SHISA9: variants seen among roughly 807,000 people sequenced by gnomAD.
SHISA9 encodes shisa family member 9.
A neutral mutation model predicts 38.0 loss-of-function variants in SHISA9; 13 were observed. The observed-to-expected ratio is 0.34, with a 90% CI of 0.22 to 0.54. The LOEUF is 0.54. Among genes scored for constraint, SHISA9 ranks in the 20% least tolerant of loss-of-function variants. The probability of loss-of-function intolerance (pLI) is 0.91; values close to 1 mark genes in which losing one functional copy is unlikely to be tolerated. For missense variants in SHISA9, 538 were observed against 575.8 expected (o/e 0.93, Z 0.67); for synonymous variants, 275 against 242.0 (o/e 1.14, Z -1.27).
the SHISA9 span, among the ~76,000 whole-genome samples, chr16:13,292,551 C>T: frequency 2.0e-5 from 3 of 152,026 alleles, no homozygotes; most frequent in Non-Finnish European, 2.9e-5. Flanking sequence ...GTACTGATTT[C>T]TCTCTCTCTT....
At chr16:13,022,577 T>A (rs1453358256) in intron 2 of SHISA9, among the ~76,000 whole-genome samples, 1 of 152,120 alleles carries the variant, frequency 6.6e-6, no homozygotes, top group East Asian at 1.9e-4. Flanking sequence ...GTGATCCACC[T>A]GTCTCGGGCC....
the SHISA9 span, among the ~76,000 whole-genome samples, chr16:13,469,358 G>GAAAGAAAAGA: frequency 1.5e-5 from 1 of 67,516 alleles, no homozygotes; most frequent in African/African-American, 6.1e-5. Context: ...AAGAAAGAAA[G>GAAAGAAAAGA]AAAAGAAAAA....
chr16:13,296,891 C>CAAAAAAA, the SHISA9 span, among the ~76,000 whole-genome samples: 48 of 26,610 alleles, frequency 1.8e-3, 1 homozygote, highest in East Asian at 2.9e-3. Flanking sequence ...AACTCCATCT[C>CAAAAAAA]AAAAAAAAAA....
At chr16:13,533,772 TA>T in the SHISA9 span, among the ~76,000 whole-genome samples, 1 of 143,808 alleles carries the variant, frequency 7.0e-6, no homozygotes, top group South Asian at 2.2e-4. Context: ...CATGCTACCA[TA>T]ACTCTCAATT....
chr16:13,217,318 C>G (rs572576000), intron 4 of SHISA9, among the ~76,000 whole-genome samples: 1 of 152,006 alleles, frequency 6.6e-6, no homozygotes, highest in Non-Finnish European at 1.5e-5. Context: ...AAAATAAAAT[C>G]CACCCTGGAA....
the SHISA9 span, among the ~76,000 whole-genome samples, chr16:13,389,687 T>G: frequency 6.6e-6 from 1 of 152,282 alleles, no homozygotes; most frequent in Admixed American, 6.5e-5. Flanking sequence ...GGTCCTCTGA[T>G]TAACCTAGGC....
chr16:12,947,095 G>A (rs575836283), intron 2 of SHISA9, among the ~76,000 whole-genome samples: 2 of 152,320 alleles, frequency 1.3e-5, no homozygotes, highest in Non-Finnish European at 2.9e-5. Context: ...ACTGTAATCT[G>A]GGTGGTCCCA....
At chr16:13,116,174 C>A (rs946250587) in intron 2 of SHISA9, among the ~76,000 whole-genome samples, 2 of 152,150 alleles carry the variant, frequency 1.3e-5, no homozygotes, top group Non-Finnish European at 2.9e-5. Flanking sequence ...CAAATGTGCA[C>A]ATAAGCTGAT....
At chr16:12,939,420 A>G (rs961767848) in intron 2 of SHISA9, among the ~76,000 whole-genome samples, 1 of 152,168 alleles carries the variant, frequency 6.6e-6, no homozygotes, top group Non-Finnish European at 1.5e-5. Flanking sequence ...TGATTGGCCC[A>G]TACTTTTCCT....
intron 2 of SHISA9, among the ~76,000 whole-genome samples, chr16:13,148,971 G>A (rs2050473498): frequency 6.6e-6 from 1 of 152,124 alleles, no homozygotes. Context: ...GATGTCTGAC[G>A]TCAGTGCCTT....
chr16:13,005,582 G>T (rs987823621), intron 2 of SHISA9, among the ~76,000 whole-genome samples: 1 of 152,162 alleles, frequency 6.6e-6, no homozygotes, highest in Admixed American at 6.5e-5. Context: ...CTTGCTTACT[G>T]GTTCCCATGA....
chr16:13,296,401 C>T, the SHISA9 span, among the ~76,000 whole-genome samples: 3 of 151,522 alleles, frequency 2.0e-5, no homozygotes, highest in South Asian at 2.1e-4. Context: ...ATTTGCTGTG[C>T]GTGCTGTTTT....
intron 2 of SHISA9, among the ~76,000 whole-genome samples, chr16:12,948,818 T>C (rs962241794): frequency 3.3e-5 from 5 of 152,294 alleles, no homozygotes; most frequent in Admixed American, 2.6e-4. Context: ...AATATCCTTC[T>C]AGGATTTAAA....
chr16:13,087,673 G>T (rs1460400672), intron 2 of SHISA9, among the ~76,000 whole-genome samples: 6 of 152,152 alleles, frequency 3.9e-5, no homozygotes, highest in African/African-American at 1.2e-4. Flanking sequence ...TGATGGGGTT[G>T]TTTGTTTATT....
the SHISA9 span, among the ~76,000 whole-genome samples, chr16:13,502,738 G>A: frequency 5.3e-5 from 8 of 152,098 alleles, no homozygotes; most frequent in Non-Finnish European, 1.0e-4. Flanking sequence ...TTAGCCAGGC[G>A]TGGTGGCATG....
intron 2 of SHISA9, among the ~76,000 whole-genome samples, chr16:12,955,570 T>C (rs1567351768): frequency 1.4e-5 from 2 of 147,670 alleles, no homozygotes; most frequent in South Asian, 2.1e-4. Context: ...CACAGATCAA[T>C]AGAACAAATA....
At chr16:13,300,242 A>G in the SHISA9 span, among the ~76,000 whole-genome samples, 1 of 152,022 alleles carries the variant, frequency 6.6e-6, no homozygotes, top group Non-Finnish European at 1.5e-5. Context: ...TCCCAGACCC[A>G]ATCCGCCCCC....
chr16:13,009,174 A>T (rs761396394), intron 2 of SHISA9, among the ~76,000 whole-genome samples: 1 of 152,008 alleles, frequency 6.6e-6, no homozygotes, highest in Non-Finnish European at 1.5e-5. Context: ...CAAACAAGGT[A>T]GTCAAGTGGG....
At chr16:13,319,862 G>A in the SHISA9 span, among the ~76,000 whole-genome samples, 1 of 151,552 alleles carries the variant, frequency 6.6e-6, no homozygotes, top group Non-Finnish European at 1.5e-5. Flanking sequence ...AGCGGGGATG[G>A]TTCTTATTTA....
Sources: allele counts gnomAD v4.1 joint callset (sites outside exome capture counted in the v4.1 genomes callset), GRCh38; gene constraint gnomAD v4.1.1; transcripts MANE v1.5; gene names NCBI Gene and HGNC (gene_info 2026-07-23, HGNC 2026-07-21).